Variants in THAP8 observed in about 807,000 individuals in gnomAD.
The protein encoded by THAP8 is THAP domain-containing protein 8.
In THAP8, 24 loss-of-function variants were observed where a neutral mutation model predicts 25.0. The ratio of observed to expected loss-of-function variants is 0.96; its 90% CI spans 0.69 to 1.35. THAP8 has a LOEUF of 1.35. Among genes scored for constraint, THAP8 ranks in the 40% most tolerant of loss-of-function variants. The pLI is 0.00. For missense variants in THAP8, 399 were observed against 368.8 expected (o/e 1.08, Z -0.67); for synonymous variants, 169 against 157.6 (o/e 1.07, Z -0.54).
intron 1 of THAP8, among the ~76,000 whole-genome samples, chr19:36,043,845 G>A (rs187888482): frequency 6.9e-4 from 105 of 152,214 alleles, no homozygotes; most frequent in African/African-American, 2.0e-3. Flanking sequence ...TCGAGATCAC[G>A]CCACTGCACT....
intron 1 of THAP8, among the ~76,000 whole-genome samples, chr19:36,049,357 C>T (rs1486154453): frequency 6.6e-6 from 1 of 151,106 alleles, no homozygotes; most frequent in Non-Finnish European, 1.5e-5. Flanking sequence ...AAAGCAAGAT[C>T]ATGTTTCAAA....
chr19:36,054,004 T>C, intron 1 of THAP8, 131 bp downstream of exon 1: 1 of 962,038 alleles, frequency 1.0e-6, no homozygotes, highest in Non-Finnish European at 1.6e-6. Flanking sequence ...GAAGGCCATC[T>C]CCTCATGGTT....
chr19:36,050,058 A>C (rs113179525), intron 1 of THAP8, among the ~76,000 whole-genome samples: 3,345 of 148,938 alleles, frequency 0.022, 118 homozygotes, highest in African/African-American at 0.08. Context: ...TGTCTCAAAA[A>C]AAAAAAAAAA....
At chr19:36,038,721 G>C (rs2145430200) in intron 3 of THAP8, among the ~76,000 whole-genome samples, 2 of 152,126 alleles carry the variant, frequency 1.3e-5, no homozygotes, top group Middle Eastern at 3.4e-3. Flanking sequence ...CGTGGTGGCG[G>C]GCACCTGTAG....
At chr19:36,047,254 A>T (rs1969910538) in intron 1 of THAP8, among the ~76,000 whole-genome samples, 1 of 152,142 alleles carries the variant, frequency 6.6e-6, no homozygotes, top group African/African-American at 2.4e-5. Context: ...GTAACTCAAA[A>T]TTTCTTCAGG....
chr19:36,054,615 C>A, upstream of THAP8: 1 of 543,464 alleles, frequency 1.8e-6, no homozygotes. Context: ...GCACATAGTT[C>A]CTCTAGGTGG....
chr19:36,042,921 C>T (rs1282591326), intron 1 of THAP8, among the ~76,000 whole-genome samples: 2 of 151,840 alleles, frequency 1.3e-5, no homozygotes, highest in East Asian at 1.9e-4. Flanking sequence ...CTCCCGCCAC[C>T]ATGCCCGGCT....
At chr19:36,054,592 C>A, upstream of THAP8, 1 of 539,768 alleles carries the variant, frequency 1.9e-6, no homozygotes, top group Non-Finnish European at 3.3e-6. Context: ...TACATCCGGG[C>A]AACCGTTGGG....
intron 3 of THAP8, among the ~76,000 whole-genome samples, chr19:36,036,970 C>T (rs917771329): frequency 1.3e-5 from 2 of 150,762 alleles, no homozygotes; most frequent in African/African-American, 4.9e-5. Context: ...ATCGGATACT[C>T]CTTAACTCCA....
In THAP8 at chr19:36,039,437, C is replaced by G. The variant is rs1460060112; in HGVS notation, c.558G>C (p.Arg186Ser). 2 of 1,587,548 alleles carry G rather than the reference C, an allele frequency of 1.3e-6. No individual in the cohort carries two copies. The highest frequency in any genetic ancestry group is 1.7e-6 in the Non-Finnish European group (2 of 1,167,034). Residue 186 changes from arginine to serine, a missense_variant, in exon 3 of 4, where the codon AGG becomes AGC. Transcript: ENST00000292894. ...VLGALQRRVR[R>S]LQRCQERHQA... The stretch of plus-strand genomic sequence containing the variant: ...GGTGCCGCTCCTGGCACCGTTGCAG[C>G]CTCCGCACCCGGCGTTGCAGTGCTC...
At chr19:36,038,783 A>C (rs951691792) in intron 3 of THAP8, among the ~76,000 whole-genome samples, 1 of 151,676 alleles carries the variant, frequency 6.6e-6, no homozygotes, top group Non-Finnish European at 1.5e-5. Context: ...CCTGGGAGGC[A>C]GAGGCTGCAG....
At chr19:36,037,379 C>CACAT (rs1292141817) in intron 3 of THAP8, among the ~76,000 whole-genome samples, 1 of 149,570 alleles carries the variant, frequency 6.7e-6, no homozygotes, top group African/African-American at 2.5e-5. Context: ...CACACACACA[C>CACAT]ACCCAGCAGT....
intron 3 of THAP8, among the ~76,000 whole-genome samples, chr19:36,037,282 TCCTC>T (rs1969498805): frequency 1.8e-5 from 1 of 54,452 alleles, no homozygotes; most frequent in African/African-American, 8.0e-5. Context: ...ACACACACCT[TCCTC>T]AGCTTCCTCC....
intron 1 of THAP8, among the ~76,000 whole-genome samples, chr19:36,050,078 A>G (rs1056721657): frequency 1.5e-4 from 22 of 148,348 alleles, no homozygotes; most frequent in African/African-American, 5.2e-4. Flanking sequence ...AAAAAAGATG[A>G]TGGCAGCCTG....
chr19:36,047,414 T>C (rs1239956309), intron 1 of THAP8, among the ~76,000 whole-genome samples: 1 of 152,222 alleles, frequency 6.6e-6, no homozygotes, highest in East Asian at 1.9e-4. Context: ...CTTTTTGCTC[T>C]TCCTCCCTTC....
At chr19:36,035,691 A>C in intron 3 of THAP8, 99 bp from the exon 4 acceptor site, 2 of 1,374,462 alleles carry the variant, frequency 1.5e-6, no homozygotes, top group South Asian at 2.7e-5. Context: ...AGGTGGCAGG[A>C]GGGCGTGTCA....
Position 36,039,676 on chromosome 19 carries a change from G to A in THAP8, c.319C>T (p.Pro107Ser). ...TRSTQKPVSP[P>S]PPLQKNTPLP... ...GGTGTATTCTTCTGTAGGGGAGGCGGCGGCGAGACTGGCTTCTGGGTGCTT... is the reference window on the plus strand; with the variant it reads ...GGTGTATTCTTCTGTAGGGGAGGCGACGGCGAGACTGGCTTCTGGGTGCTT... The change falls in exon 3 of 4, where the codon CCG becomes TCG. Residue 107 changes from proline (P) to serine (S), a missense_variant. Coordinates refer to ENST00000292894, the MANE Select transcript of THAP8 (RefSeq NM_152658.3). 1 of 1,526,154 alleles carries A rather than the reference G, an allele frequency of 6.6e-7. No individual in the cohort carries two copies. Among genetic ancestry groups the A allele is most frequent in the African/African-American group, 1.4e-5 (1 of 72,358 alleles). 94.5% of individuals were successfully genotyped at this position (1,526,154 alleles called of 1,614,324 possible).
chr19:36,051,426 T>G (rs1342288793), intron 1 of THAP8, among the ~76,000 whole-genome samples: 1 of 151,958 alleles, frequency 6.6e-6, no homozygotes, highest in Non-Finnish European at 1.5e-5. Flanking sequence ...AGGAGGGCGC[T>G]GATCTGACTC....
At chr19:36,041,556 A>G (rs1969694098) in intron 1 of THAP8, among the ~76,000 whole-genome samples, 1 of 152,192 alleles carries the variant, frequency 6.6e-6, no homozygotes, top group African/African-American at 2.4e-5. Context: ...CTTTTTGTGT[A>G]TGCTTGAAAA....
Sources: allele counts gnomAD v4.1 joint callset (sites outside exome capture counted in the v4.1 genomes callset), GRCh38; gene constraint gnomAD v4.1.1; transcripts MANE v1.5; gene names NCBI Gene and HGNC (gene_info 2026-07-23, HGNC 2026-07-21).